Variants in DNASE1 observed in about 807,000 individuals in gnomAD.
DNASE1 encodes the protein deoxyribonuclease-1.
Under a neutral mutation model 33.9 loss-of-function variants are expected in DNASE1, and 40 were observed. The observed-to-expected ratio is 1.18, with a 90% CI of 0.92 to 1.54. The LOEUF (loss-of-function observed/expected upper bound fraction) is 1.54, where lower values mean the gene tolerates loss of function less well. Ranked by LOEUF, DNASE1 falls within the 40% of genes most tolerant of loss-of-function variation. The pLI, the probability that DNASE1 is intolerant of heterozygous loss-of-function variation, is 0.00. For synonymous variants in DNASE1, 216 were observed against 160.0 expected, an observed-to-expected ratio of 1.35 and a Z score of -2.64; for missense variants, 518 against 372.6, an observed-to-expected ratio of 1.39 and a Z score of -3.21.
At chr16:3,662,144 G>T, downstream of DNASE1, 2 of 1,608,204 alleles carry the variant, frequency 1.2e-6, no homozygotes, top group Non-Finnish European at 1.7e-6. Context: ...TGTGAGCAAA[G>T]CCCGGGGTTG....
At chr16:3,619,652 T>C (rs7187466) in intron 1 of DNASE1, among the ~76,000 whole-genome samples, 72,117 of 151,520 alleles carry the variant, frequency 0.48, 20,334 homozygotes, top group African/African-American at 0.79. Context: ...TGAGCCACTG[T>C]GCCTGGCCGC....
exon 10 of DNASE1, chr16:3,664,183 T>C: frequency 7.4e-7 from 1 of 1,355,312 alleles, no homozygotes; most frequent in Non-Finnish European, 9.7e-7. Flanking sequence ...GCCCGGAGTC[T>C]TGGGCAGGTT....
chr16:3,629,171 CAAA>C (rs536378443), intron 1 of DNASE1, among the ~76,000 whole-genome samples: 3 of 55,054 alleles, frequency 5.4e-5, no homozygotes, highest in African/African-American at 6.8e-5. Context: ...GACTAAGTCT[CAAA>C]AAAAAAAAAA....
chr16:3,662,148 G>C, downstream of DNASE1: 2 of 1,606,112 alleles, frequency 1.2e-6, no homozygotes, highest in Non-Finnish European at 8.5e-7. Context: ...AGCAAAGCCC[G>C]GGGTTGAGGG....
At chr16:3,643,666 G>A (rs151258446) in intron 1 of DNASE1, among the ~76,000 whole-genome samples, 1 of 152,268 alleles carries the variant, frequency 6.6e-6, no homozygotes, top group Admixed American at 6.5e-5. Flanking sequence ...ACCAGGGGAA[G>A]AAAGGTGACA....
rs201413861 is a variant in DNASE1 at position 3,657,794 on chromosome 16, C to T, written c.779C>T (p.Ala260Val). 1.9e-6 allele frequency: 3 copies of T among 1,614,082 alleles called. No homozygotes were observed. In the South Asian group the frequency reaches 3.3e-5, roughly 18 times the overall value. The change falls in exon 8 of 9, where the codon GCC (alanine) becomes GTC (valine). Residue 260 changes from alanine to valine, a missense_variant. Transcript: ENST00000246949. ...GCTCTTCCCTTTAACTTCCAGGCTG[C>T]CTATGGCCTGAGTGACCAACTGGTA... Reference protein sequence around the residue: ...DSALPFNFQAAYGLSDQLAQA... With the variant: ...DSALPFNFQAVYGLSDQLAQA...
upstream of DNASE1, among the ~76,000 whole-genome samples, chr16:3,639,567 C>T (rs1198603722): frequency 6.6e-5 from 10 of 152,210 alleles, no homozygotes. Context: ...CTGAATCCTT[C>T]CCTTAGTTAC....
chr16:3,658,814 C>G (rs759879283), downstream of DNASE1: 2 of 1,613,874 alleles, frequency 1.2e-6, no homozygotes, highest in Non-Finnish European at 8.5e-7. Flanking sequence ...GCAGCTGAGC[C>G]AGGCCAGGCT....
downstream of DNASE1, chr16:3,662,819 C>G: frequency 6.5e-7 from 1 of 1,544,356 alleles, no homozygotes; most frequent in African/African-American, 1.4e-5. Flanking sequence ...TGGGAGCCAC[C>G]AGCTGGCCAG....
At position 3,657,830 on chromosome 16, in the gene DNASE1, C is replaced by G. The variant is rs8176929; in HGVS notation, c.801+14C>G. ...AGTGACCAACTGGTATGTGTCCTCC[C>G]TTGCACAGCCACATGAGGATGGGAC... On this transcript the variant is annotated intron_variant, in intron 8 of 8. Transcript: ENST00000246949. 3.7e-6 allele frequency: 6 copies of G among 1,613,834 alleles called. No homozygotes were observed. The African/African-American group carries it at 8.0e-5, about 22-fold the overall frequency.
At chr16:3,653,826 A>AAAAAAAAC (rs2042428032), upstream of DNASE1, 1 of 144,908 alleles carries the variant, frequency 6.9e-6, no homozygotes, top group African/African-American at 2.6e-5. Context: ...AAAAAAAAAA[A>AAAAAAAAC]AAAAAAAAAA....
intron 1 of DNASE1, among the ~76,000 whole-genome samples, chr16:3,628,413 T>C (rs1166523777): frequency 2.0e-5 from 3 of 152,154 alleles, no homozygotes; most frequent in Admixed American, 1.3e-4. Flanking sequence ...AATTTGGATA[T>C]ATATTTTTTT....
At chr16:3,634,463 C>T (rs547063310) in intron 1 of DNASE1, among the ~76,000 whole-genome samples, 47 of 151,876 alleles carry the variant, frequency 3.1e-4, no homozygotes, top group African/African-American at 1.1e-3. Flanking sequence ...CTCCTGACCT[C>T]GTGATCTGCC....
At chr16:3,637,344 G>C (rs1469697247) in intron 1 of DNASE1, among the ~76,000 whole-genome samples, 2 of 152,142 alleles carry the variant, frequency 1.3e-5, no homozygotes, top group East Asian at 3.9e-4. Context: ...CTATTCTCTT[G>C]TTATTATATA....
intron 1 of DNASE1, among the ~76,000 whole-genome samples, chr16:3,614,197 C>T (rs943646956): frequency 2.6e-5 from 4 of 151,916 alleles, no homozygotes; most frequent in Non-Finnish European, 2.9e-5. Context: ...CAGGTGTGAG[C>T]CACCGCGCCC....
intron 1 of DNASE1, among the ~76,000 whole-genome samples, chr16:3,623,472 T>C (rs1424654153): frequency 6.6e-6 from 1 of 151,674 alleles, no homozygotes; most frequent in Non-Finnish European, 1.5e-5. Context: ...AGAAGAAAAA[T>C]AGGCAAATGG....
chr16:3,620,233 T>C (rs2041258599), intron 1 of DNASE1, among the ~76,000 whole-genome samples: 1 of 152,204 alleles, frequency 6.6e-6, no homozygotes, highest in South Asian at 2.1e-4. Context: ...GGCTTTTCTT[T>C]TAAAAAGTTT....
At chr16:3,614,420 C>T (rs1178261291) in intron 1 of DNASE1, among the ~76,000 whole-genome samples, 2 of 152,210 alleles carry the variant, frequency 1.3e-5, no homozygotes, top group Non-Finnish European at 2.9e-5. Flanking sequence ...ACAAGGGAGA[C>T]ATCAGCTTTT....
intron 1 of DNASE1, among the ~76,000 whole-genome samples, chr16:3,618,935 C>A (rs763128627): frequency 1.3e-5 from 2 of 152,106 alleles, no homozygotes; most frequent in Non-Finnish European, 2.9e-5. Flanking sequence ...TGACTCATGG[C>A]AGCCTCAGAC....
Sources: gnomAD v4.1 joint callset for allele counts (sites outside exome capture counted in the v4.1 genomes callset) on GRCh38, gnomAD v4.1.1 for gene constraint, MANE v1.5 for transcripts, NCBI Gene and HGNC (gene_info 2026-07-23, HGNC 2026-07-21) for gene names.